CARS2: variants seen among roughly 807,000 people sequenced by gnomAD.
The protein encoded by CARS2 is probable cysteine--tRNA ligase, mitochondrial.
In CARS2, 52 loss-of-function variants were observed where a neutral mutation model predicts 68.8. The observed-to-expected ratio is 0.76, with a 90% CI of 0.61 to 0.95. CARS2 has a LOEUF of 0.95. Ranked by LOEUF, CARS2 falls within the 40% of genes least tolerant of loss-of-function variation. The probability of loss-of-function intolerance (pLI) is 0.00; values close to 1 mark genes in which losing one functional copy is unlikely to be tolerated. For missense variants in CARS2, 780 were observed against 754.2 expected (o/e 1.03, Z -0.40); for synonymous variants, 314 against 303.6 (o/e 1.03, Z -0.36).
At chr13:110,651,468 G>A (rs573150668) in intron 9 of CARS2, among the ~76,000 whole-genome samples, 10 of 152,326 alleles carry the variant, frequency 6.6e-5, no homozygotes, top group East Asian at 1.9e-4. Flanking sequence ...AAGAGACCAG[G>A]TAGGTGGCGG....
chr13:110,712,790 G>T, intron 1 of CARS2: 1 of 729,980 alleles, frequency 1.4e-6, no homozygotes, highest in South Asian at 1.5e-5. Flanking sequence ...CCTAGGGAAG[G>T]CGCCCCTCGG....
intron 3 of CARS2, among the ~76,000 whole-genome samples, chr13:110,696,742 C>A (rs932989250): frequency 4.7e-4 from 71 of 152,218 alleles, no homozygotes; most frequent in Non-Finnish European, 1.2e-4. Context: ...ATATTCTAAT[C>A]ATAACATTTT....
At chr13:110,661,010 T>C (rs543050921) in intron 9 of CARS2, among the ~76,000 whole-genome samples, 1 of 152,328 alleles carries the variant, frequency 6.6e-6, no homozygotes, top group East Asian at 1.9e-4. Flanking sequence ...TCTGCCCACC[T>C]GGGCCTCCCA....
At chr13:110,698,886 A>G (rs894583807) in intron 3 of CARS2, among the ~76,000 whole-genome samples, 2 of 152,152 alleles carry the variant, frequency 1.3e-5, no homozygotes, top group Admixed American at 6.5e-5. Flanking sequence ...GGTGGTGCAC[A>G]GCTGAGTCCC....
intron 8 of CARS2, chr13:110,664,113 T>C (rs2062582867): frequency 1.0e-6 from 1 of 985,146 alleles, no homozygotes; most frequent in Non-Finnish European, 1.2e-6. Flanking sequence ...GACCCTGAAA[T>C]TCTCCCTGGC....
Position 110,650,707 on chromosome 13 carries a change from G to A in CARS2, c.1054+327C>T, listed in dbSNP as rs573014038. 6.2e-4 allele frequency: 178 copies of A among 285,704 alleles called. 1 individual carries two copies. The highest frequency in any genetic ancestry group is 3.6e-3 in the African/African-American group (163 of 45,080). The allele number at this position is 285,704 out of a possible 1,614,324, so 17.7% of individuals were successfully genotyped here. A position where few individuals can be genotyped will look rare whatever the true frequency, so the allele number is the denominator to read the frequency against. ...TTGAGGGCTCCCATGTTCAGGGGCC[G>A]TGCCAGGCTGGCCCCTTCCAATCTC... On this transcript the variant is annotated intron_variant, in intron 10 of 14. Coordinates refer to ENST00000257347, the MANE Select transcript of CARS2 (RefSeq NM_024537.4).
At chr13:110,680,999 T>C (rs564236023) in intron 6 of CARS2, among the ~76,000 whole-genome samples, 1 of 152,336 alleles carries the variant, frequency 6.6e-6, no homozygotes, top group East Asian at 1.9e-4. Flanking sequence ...TCCCTTGCCA[T>C]TGTTGTCTCC....
At position 110,642,318 on chromosome 13, in the gene CARS2, G is replaced by C. The variant is rs1398549401; in HGVS notation, c.1620C>G (p.Ile540Met). 1 of 1,549,162 alleles carries C rather than the reference G, an allele frequency of 6.5e-7. No homozygotes were observed. The highest frequency in any genetic ancestry group is 8.7e-7 in the Non-Finnish European group (1 of 1,146,098). Residue 540 changes from isoleucine (I) to methionine (M), a missense_variant, in exon 14 of 15, where the codon ATC becomes ATG. Ile to Met is a conservative substitution (Grantham distance 10). Transcript: ENST00000257347. ...CTGACCTTGGTGCGGCACTCACCTTGATGTTGATGCCGTGGGCAGTCAGGC... is the reference window on the plus strand; with the variant it reads ...CTGACCTTGGTGCGGCACTCACCTTCATGTTGATGCCGTGGGCAGTCAGGC... ...RRGLTAHGIN[I>M]KDRSSTTSTW...
rs2078170 is a variant in CARS2 at position 110,653,059 on chromosome 13, C to T, written c.988-1959G>A. Reference sequence around the variant, plus strand: ...TAACCGCTGAGTCAAGCAGAGCCCCCGCTCCTCTACTTCAGTATCATCAAC... The same window carrying T: ...TAACCGCTGAGTCAAGCAGAGCCCCTGCTCCTCTACTTCAGTATCATCAAC... On this transcript the variant is annotated intron_variant, in intron 9 of 14. Coordinates refer to ENST00000257347, the MANE Select transcript of CARS2 (RefSeq NM_024537.4). The surrounding 1 kb of genome is among the most constrained non-coding windows in gnomAD (Gnocchi z 5.6). Among the ~76,000 whole-genome samples the T allele has an allele frequency of 0.11, 16,781 of 152,034 alleles. 1,390 individuals carry two copies. Among genetic ancestry groups the T allele is most frequent in the African/African-American group, 0.22 (9,143 of 41,412 alleles).
chr13:110,644,728 A>T, intron 12 of CARS2: 1 of 529,156 alleles, frequency 1.9e-6, no homozygotes, highest in Non-Finnish European at 3.2e-6. Flanking sequence ...TGACTAGCTC[A>T]TCAGGCTTCG....
At chr13:110,692,073 C>T (rs1409350815) in intron 3 of CARS2, among the ~76,000 whole-genome samples, 5 of 144,558 alleles carry the variant, frequency 3.5e-5, no homozygotes, top group African/African-American at 1.0e-4. Context: ...TATATACACA[C>T]ATACATATAT....
intron 8 of CARS2, chr13:110,664,947 T>C (rs1265810497): frequency 1.1e-6 from 1 of 938,698 alleles, no homozygotes; most frequent in Non-Finnish European, 1.3e-6. Flanking sequence ...CTGTTGTTCA[T>C]AACACGCCCG....
At chr13:110,693,231 C>T (rs2063525919) in intron 3 of CARS2, among the ~76,000 whole-genome samples, 1 of 151,940 alleles carries the variant, frequency 6.6e-6, no homozygotes, top group Non-Finnish European at 1.5e-5. Flanking sequence ...ACACCCAATA[C>T]TCCCTTCTCT....
At chr13:110,655,755 A>C (rs1231826228) in intron 9 of CARS2, among the ~76,000 whole-genome samples, 1 of 152,228 alleles carries the variant, frequency 6.6e-6, no homozygotes, top group Non-Finnish European at 1.5e-5. Flanking sequence ...TCTATAATCA[A>C]ATTAAAACCT....
In CARS2 at chr13:110,706,052, C is replaced by A. The variant is rs1010589821; in HGVS notation, c.42G>T (p.Leu14=). 15 of 1,361,968 alleles carry A rather than the reference C, an allele frequency of 1.1e-5. No homozygotes were observed. The highest frequency in any genetic ancestry group is 2.0e-4 in the Middle Eastern group (1 of 5,016). 84.4% of individuals were successfully genotyped at this position (1,361,968 alleles called of 1,614,324 possible). Residue 14 remains leucine, a synonymous_variant, in exon 1 of 15, where the codon CTG becomes CTT. Coordinates refer to ENST00000257347, the MANE Select transcript of CARS2 (RefSeq NM_024537.4). ...TTRGPGLGPP[L]LQAALGLGRA... Reference sequence around the variant, plus strand: ...GCCCAAGGCCCAGCGCGGCCTGGAGCAGCGGGGGGCCCAGGCCTGGGCCGC... The same window carrying A: ...GCCCAAGGCCCAGCGCGGCCTGGAGAAGCGGGGGGCCCAGGCCTGGGCCGC...
chr13:110,654,931 AAAAAG>A lies in CARS2; in HGVS notation c.988-3836_988-3832del, dbSNP rs1346194555. Among the ~76,000 whole-genome samples, 356 of 134,842 alleles carry A rather than the reference AAAAAG, an allele frequency of 2.6e-3. 1 individual carries two copies. The highest frequency in any genetic ancestry group is 0.011 in the African/African-American group (335 of 31,334). The allele number at this position is 134,842 out of a possible 152,430, so 88.5% of individuals were successfully genotyped here. A position where few individuals can be genotyped will look rare whatever the true frequency, so the allele number is the denominator to read the frequency against. On this transcript the variant is annotated intron_variant, in intron 9 of 14. Transcript: ENST00000257347. The stretch of plus-strand genomic sequence containing the variant: ...AGCAAAACCCTCTCTCAAAAAAAAA[AAAAAG>A]AAAAAGAAAAAAAAAGAAAAAGAAA...
At chr13:110,664,963 AGTTTGGCTAT>A (rs758356540) in intron 8 of CARS2, 17 of 971,274 alleles carry the variant, frequency 1.8e-5, no homozygotes, top group Non-Finnish European at 2.1e-5. Context: ...GCCCGCTTTC[AGTTTGGCTAT>A]AGCAGCCCTA....
upstream of CARS2, among the ~76,000 whole-genome samples, chr13:110,711,070 C>T (rs1283261632): frequency 6.6e-6 from 1 of 152,042 alleles, no homozygotes; most frequent in East Asian, 1.9e-4. Context: ...AATAGAAGAA[C>T]CGGTCTATTT....
chr13:110,675,708 A>G (rs953873454), intron 7 of CARS2, among the ~76,000 whole-genome samples: 10 of 146,324 alleles, frequency 6.8e-5, no homozygotes, highest in African/African-American at 2.4e-4. Flanking sequence ...AAATATAATG[A>G]AAAAAAAAAC....
Sources: allele counts gnomAD v4.1 joint callset (sites outside exome capture counted in the v4.1 genomes callset), GRCh38; gene constraint gnomAD v4.1.1; non-coding constraint Gnocchi (gnomAD v3.1); transcripts MANE v1.5; gene names NCBI Gene and HGNC (gene_info 2026-07-23, HGNC 2026-07-21).